The following EDAR variants were observed in gnomAD, a reference collection of about 807,000 sequenced individuals.
The protein encoded by EDAR is tumor necrosis factor receptor superfamily member EDAR.
Under a neutral mutation model 51.3 loss-of-function variants are expected in EDAR, and 38 were observed. The observed-to-expected ratio is 0.74, with a 90% confidence interval of 0.57 to 0.97. The LOEUF (loss-of-function observed/expected upper bound fraction) is 0.97, where lower values mean the gene tolerates loss of function less well. Ranked by LOEUF, EDAR falls within the 50% of genes least tolerant of loss-of-function variation. EDAR has a pLI of 0.00. For missense variants in EDAR, 528 were observed against 595.0 expected, an observed-to-expected ratio of 0.89 and a Z score of 1.17; for synonymous variants, 227 against 242.1, an observed-to-expected ratio of 0.94 and a Z score of 0.58.
intron 1 of EDAR, 113 bp from the exon 2 acceptor site, chr2:108,931,145 A>T (rs1697359614): frequency 1.2e-6 from 1 of 831,892 alleles, no homozygotes; most frequent in South Asian, 1.4e-5. Flanking sequence ...ACAGAGGGGA[A>T]ACTATACATC....
intron 1 of EDAR, among the ~76,000 whole-genome samples, chr2:108,936,723 C>A (rs1019882765): frequency 2.6e-5 from 4 of 152,220 alleles, no homozygotes; most frequent in Admixed American, 6.5e-5. Context: ...ATTTACAGCT[C>A]TGAATCTTCC....
intron 1 of EDAR, among the ~76,000 whole-genome samples, chr2:108,958,917 C>A (rs140461183): frequency 1.2e-4 from 19 of 152,254 alleles, no homozygotes; most frequent in Non-Finnish European, 2.1e-4. Context: ...CATGAGAGAA[C>A]CTGGGAGCCA....
chr2:108,976,147 T>C (rs982749827), intron 1 of EDAR, among the ~76,000 whole-genome samples: 4 of 152,306 alleles, frequency 2.6e-5, no homozygotes, highest in Middle Eastern at 3.4e-3. Flanking sequence ...CAGGATCCCA[T>C]CCAGGATCCC....
chr2:108,928,361 G>A (rs1697297613), intron 4 of EDAR, among the ~76,000 whole-genome samples: 1 of 152,096 alleles, frequency 6.6e-6, no homozygotes. Flanking sequence ...GAGGTGAGAG[G>A]TCCTTCTGCA....
rs1696603148 is a variant in EDAR at position 108,896,805 on chromosome 2, CA to C, written c.*101del. 33 of 1,216,804 alleles carry C rather than the reference CA, an allele frequency of 2.7e-5. No homozygotes were observed. Among genetic ancestry groups the C allele is most frequent in the Non-Finnish European group, 3.7e-5 (32 of 863,334 alleles). The allele number at this position is 1,216,804 out of a possible 1,614,324, so 75.4% of individuals were successfully genotyped here. On this transcript the variant is annotated 3_prime_UTR_variant, in exon 12 of 12. Coordinates refer to ENST00000258443, the MANE Select transcript of EDAR (RefSeq NM_022336.4). ...TCCTAAGGCATACGGTGACATATCA[CA>C]AAAGCCTTGATTCTTGGCAGTCTTT...
chr2:108,982,939 C>T (rs1698441581), intron 1 of EDAR, among the ~76,000 whole-genome samples: 1 of 152,212 alleles, frequency 6.6e-6, no homozygotes, highest in Non-Finnish European at 1.5e-5. Flanking sequence ...GTCTCTCTCT[C>T]TCCAAATCTC....
chr2:108,972,401 G>A (rs553879374), intron 1 of EDAR, among the ~76,000 whole-genome samples: 1 of 152,298 alleles, frequency 6.6e-6, no homozygotes, highest in East Asian at 1.9e-4. Flanking sequence ...CCTTCCTCAC[G>A]GGCCCTGGAG....
intron 1 of EDAR, among the ~76,000 whole-genome samples, chr2:108,932,985 T>C (rs13429438): frequency 6.6e-6 from 1 of 152,056 alleles, no homozygotes; most frequent in Admixed American, 6.5e-5. Flanking sequence ...CTCGCTCCCG[T>C]AGGAAGAGGG....
chr2:108,923,103 C>T lies in EDAR; in HGVS notation c.442+265G>A, dbSNP rs542626112. Among the ~76,000 whole-genome samples the T allele has an allele frequency of 3.0e-4, 45 of 152,226 alleles. 1 individual carries two copies. The South Asian group carries it at 8.5e-3, about 29-fold the overall frequency. ...ACCCCCATATTACCGATGAGAAAAC[C>T]GAGGCTCATGGAGGTTAAGTGACTT... On this transcript the variant is annotated intron_variant, in intron 5 of 11. Coordinates refer to ENST00000258443, the MANE Select transcript of EDAR (RefSeq NM_022336.4).
chr2:108,924,761 A>C (rs1474819506), intron 4 of EDAR, among the ~76,000 whole-genome samples: 1 of 152,200 alleles, frequency 6.6e-6, no homozygotes, highest in Non-Finnish European at 1.5e-5. Context: ...AACACCTCCC[A>C]GAGAAGCCAC....
intron 1 of EDAR, among the ~76,000 whole-genome samples, chr2:108,979,446 C>CTG (rs1436515998): frequency 9.7e-5 from 7 of 71,910 alleles, no homozygotes; most frequent in African/African-American, 2.8e-4. Context: ...TTCTCTCTCT[C>CTG]TGTCTCTGTC....
At chr2:108,966,945 G>A (rs1698159424) in intron 1 of EDAR, among the ~76,000 whole-genome samples, 1 of 152,202 alleles carries the variant, frequency 6.6e-6, no homozygotes, top group Non-Finnish European at 1.5e-5. Flanking sequence ...GGGTTTGTTT[G>A]TTTGTTTGAG....
intron 1 of EDAR, among the ~76,000 whole-genome samples, chr2:108,938,070 A>G (rs1473570159): frequency 6.6e-6 from 1 of 152,224 alleles, no homozygotes; most frequent in Non-Finnish European, 1.5e-5. Flanking sequence ...TACTAATACA[A>G]ATAAGCATGT....
chr2:108,913,868 T>G (rs1696978331), intron 5 of EDAR, among the ~76,000 whole-genome samples: 1 of 144,668 alleles, frequency 6.9e-6, no homozygotes, highest in Non-Finnish European at 1.5e-5. Context: ...GAGAATGGCG[T>G]GAACCCAGGA....
intron 4 of EDAR, among the ~76,000 whole-genome samples, chr2:108,927,667 G>A (rs542136963): frequency 6.6e-6 from 1 of 152,130 alleles, no homozygotes; most frequent in East Asian, 1.9e-4. Context: ...GCGGCCCCCA[G>A]CACCCTGAGT....
intron 1 of EDAR, among the ~76,000 whole-genome samples, chr2:108,938,548 C>T (rs1026117483): frequency 2.0e-5 from 3 of 152,164 alleles, no homozygotes; most frequent in African/African-American, 7.2e-5. Context: ...CACTTATCCT[C>T]ATCCCAATGT....
chr2:108,978,861 C>T (rs1698375219), intron 1 of EDAR, among the ~76,000 whole-genome samples: 1 of 152,136 alleles, frequency 6.6e-6, no homozygotes, highest in South Asian at 2.1e-4. Flanking sequence ...AAATTAAACC[C>T]AACAGGCAAA....
At position 108,897,024 on chromosome 2, in the gene EDAR, C is replaced by T. The variant is rs763242176; in HGVS notation, c.1230G>A (p.Glu410=). The change falls in exon 12 of 12, where the codon GAG becomes GAA. Residue 410 remains glutamate (E), a synonymous_variant. Transcript: ENST00000258443. ...RISTAGYSIP[E]LLTKLVQIER... is the part of the protein sequence containing the mutation. ...CAATCTGCACCAGTTTTGTGAGTAG[C>T]TCAGGGATGCTGTAGCCTGCCGTGC... is the stretch of plus-strand genomic sequence containing the variant. 1.3e-5 allele frequency: 21 copies of T among 1,613,956 alleles called. No individual in the cohort carries two copies. Among genetic ancestry groups the T allele is most frequent in the Non-Finnish European group, 1.8e-5 (21 of 1,180,008 alleles).
chr2:108,902,575 C>A (rs1276166930), intron 11 of EDAR, among the ~76,000 whole-genome samples: 2 of 152,044 alleles, frequency 1.3e-5, no homozygotes, highest in Non-Finnish European at 2.9e-5. Context: ...CAGACAAAGA[C>A]AAAAAACAAA....
Sources: gnomAD v4.1 joint callset for allele counts (sites outside exome capture counted in the v4.1 genomes callset) on GRCh38, gnomAD v4.1.1 for gene constraint, MANE v1.5 for transcripts, NCBI Gene and HGNC (gene_info 2026-07-23, HGNC 2026-07-21) for gene names.